ERC1: variants seen among roughly 807,000 people sequenced by gnomAD.
The protein encoded by ERC1 is RAB6 interacting protein 2.
ERC1 carries 56 observed loss-of-function variants against 132.0 expected under a neutral mutation model. The ratio of observed to expected loss-of-function variants is 0.42; its 90% CI spans 0.34 to 0.53. The LOEUF (loss-of-function observed/expected upper bound fraction) is 0.53. Among genes scored for constraint, ERC1 ranks in the 20% least tolerant of loss-of-function variants. ERC1 has a pLI of 0.03. For synonymous variants in ERC1, 478 were observed against 476.1 expected (o/e 1.00, Z -0.05); for missense variants, 1,202 against 1,349.9 (o/e 0.89, Z 1.72).
intron 16 of ERC1, among the ~76,000 whole-genome samples, chr12:1,383,485 T>C (rs1591661639): frequency 6.6e-6 from 1 of 152,184 alleles, no homozygotes; most frequent in South Asian, 2.1e-4. Context: ...CAAATGTGAA[T>C]TAGACAAGTG....
intron 15 of ERC1, among the ~76,000 whole-genome samples, chr12:1,328,214 ACTGGTCACTGTAACCTCAACCTCC>A (rs1429165516): frequency 6.6e-6 from 1 of 151,866 alleles, no homozygotes; most frequent in Non-Finnish European, 1.5e-5. Context: ...TGGCATAATC[ACTGGTCACTGTAACCTCAACCTCC>A]CAGGCTCAAG....
chr12:1,354,702 G>A (rs1370366822), intron 15 of ERC1, among the ~76,000 whole-genome samples: 1 of 152,202 alleles, frequency 6.6e-6, no homozygotes, highest in East Asian at 1.9e-4. Flanking sequence ...CCAGGCTGGA[G>A]TGCCGAAGCG....
chr12:1,183,936 C>A (rs1954770994), intron 11 of ERC1, among the ~76,000 whole-genome samples: 1 of 151,996 alleles, frequency 6.6e-6, no homozygotes. Context: ...GAGTTCGAGA[C>A]CAGCTTGACC....
At chr12:1,309,483 G>A (rs2081127556) in intron 15 of ERC1, among the ~76,000 whole-genome samples, 1 of 152,162 alleles carries the variant, frequency 6.6e-6, no homozygotes. Context: ...GGGGAAGTGA[G>A]TAAATCATAT....
At chr12:1,441,274 T>C (rs2093145112) in intron 17 of ERC1, among the ~76,000 whole-genome samples, 3 of 151,882 alleles carry the variant, frequency 2.0e-5, no homozygotes, top group Admixed American at 2.0e-4. Context: ...TTGGCCAGGC[T>C]GGTCTCGAAC....
rs964212067 is a variant in ERC1, at chr12:1,357,582, G to A, written c.2781-14251G>A. ...AAGGAAAGAAGACAAGATAAATGGT[G>A]TAGTCCAAAAGTAGACATATATAAC... On this transcript the variant is annotated intron_variant, in intron 15 of 18. Transcript: ENST00000360905. Among the ~76,000 whole-genome samples, 4 of 152,224 alleles carry A rather than the reference G, an allele frequency of 2.6e-5. No homozygotes were observed. In the East Asian group the frequency reaches 5.8e-4, roughly 22 times the overall value.
Position 1,495,504 on chromosome 12 carries a change from A to G in ERC1, c.*5274A>G, listed in dbSNP as rs2094349980. 4.4e-6 allele frequency: 1 copy of G among 228,494 alleles called. No individual in the cohort carries two copies. Among genetic ancestry groups the G allele is most frequent in the Non-Finnish European group, 8.7e-6 (1 of 115,066 alleles). The allele number at this position is 228,494 out of a possible 1,614,324, so 14.2% of individuals were successfully genotyped here. On this transcript the variant is annotated 3_prime_UTR_variant, in exon 19 of 19. Coordinates refer to ENST00000360905, the MANE Select transcript of ERC1 (RefSeq NM_178040.4). ...CACCACGCCAGTATTGCATCCATCT[A>G]CTGCAGCTACACATCCTGAGGGCAG...
intron 16 of ERC1, among the ~76,000 whole-genome samples, chr12:1,372,889 A>C (rs1242496324): frequency 1.3e-5 from 2 of 152,362 alleles, no homozygotes; most frequent in East Asian, 3.9e-4. Context: ...GTATTTTGGC[A>C]TAATGTTTAT....
chr12:1,033,216 T>C (rs889346449), intron 2 of ERC1, among the ~76,000 whole-genome samples: 12 of 151,988 alleles, frequency 7.9e-5, no homozygotes, highest in Admixed American at 7.9e-4. Context: ...TTTTGTATTT[T>C]CAGTAGAGAT....
At position 1,373,201 on chromosome 12, in the gene ERC1, T is replaced by C. The variant is rs1256124291; in HGVS notation, c.2925+1224T>C. Among the ~76,000 whole-genome samples, 3 of 152,230 alleles carry C rather than the reference T, an allele frequency of 2.0e-5. No individual in the cohort carries two copies. The East Asian group carries it at 5.8e-4, about 29-fold the overall frequency. ...ATGTGCTTATTATGAAAGACATCCG[T>C]CCAGTAGTTGAAAACTGAAATTTGG... is the stretch of plus-strand genomic sequence containing the variant. On this transcript the variant is annotated intron_variant, in intron 16 of 18. Coordinates refer to ENST00000360905, the MANE Select transcript of ERC1 (RefSeq NM_178040.4).
intron 12 of ERC1, among the ~76,000 whole-genome samples, chr12:1,212,647 G>A (rs1957987016): frequency 1.3e-5 from 2 of 152,138 alleles, no homozygotes; most frequent in Non-Finnish European, 2.9e-5. Context: ...GGGTTTTATT[G>A]GGTGAAAAGG....
chr12:1,407,024 C>T (rs2091540251), intron 16 of ERC1, among the ~76,000 whole-genome samples: 1 of 152,078 alleles, frequency 6.6e-6, no homozygotes, highest in African/African-American at 2.4e-5. Flanking sequence ...GCATCATGTA[C>T]CCTGGCATTT....
At chr12:1,261,006 C>T (rs1036041867) in intron 13 of ERC1, among the ~76,000 whole-genome samples, 3 of 152,112 alleles carry the variant, frequency 2.0e-5, no homozygotes, top group Non-Finnish European at 2.9e-5. Context: ...GTTTCACTGC[C>T]GGCTTCAGGT....
intron 15 of ERC1, among the ~76,000 whole-genome samples, chr12:1,333,837 C>T (rs1370655142): frequency 1.3e-5 from 2 of 152,168 alleles, no homozygotes; most frequent in Admixed American, 6.5e-5. Flanking sequence ...ATGCTGTCTT[C>T]CACAATGGTT....
chr12:1,346,825 C>T (rs977594964), intron 15 of ERC1, among the ~76,000 whole-genome samples: 2 of 151,294 alleles, frequency 1.3e-5, no homozygotes, highest in Non-Finnish European at 2.9e-5. Flanking sequence ...GCCTGTAGTC[C>T]CAGCTACTGG....
At chr12:1,406,089 C>T (rs1171482297) in intron 16 of ERC1, among the ~76,000 whole-genome samples, 1 of 152,012 alleles carries the variant, frequency 6.6e-6, no homozygotes, top group African/African-American at 2.4e-5. Flanking sequence ...CGCCAGACAC[C>T]TTTTTAAGTG....
chr12:1,210,953 C>T (rs1426415704), intron 12 of ERC1, among the ~76,000 whole-genome samples: 2 of 151,006 alleles, frequency 1.3e-5, no homozygotes, highest in Non-Finnish European at 2.9e-5. Flanking sequence ...TGAGATTGTG[C>T]CATGCCTAGC....
At chr12:1,316,398 C>T (rs990419716) in intron 15 of ERC1, among the ~76,000 whole-genome samples, 2 of 152,072 alleles carry the variant, frequency 1.3e-5, no homozygotes, top group East Asian at 1.9e-4. Flanking sequence ...AGGCATGGCT[C>T]TGTTAACCTG....
intron 7 of ERC1, among the ~76,000 whole-genome samples, chr12:1,127,680 T>A (rs1056413748): frequency 6.6e-6 from 1 of 152,132 alleles, no homozygotes; most frequent in Non-Finnish European, 1.5e-5. Flanking sequence ...TAATATAAAT[T>A]GAAAACATGT....
Sources: allele counts gnomAD v4.1 joint callset (sites outside exome capture counted in the v4.1 genomes callset), GRCh38; gene constraint gnomAD v4.1.1; transcripts MANE v1.5; gene names NCBI Gene and HGNC (gene_info 2026-07-23, HGNC 2026-07-21).